Variants in KHDRBS2 observed in about 807,000 individuals in gnomAD.
KHDRBS2 encodes the protein KH RNA binding domain containing, signal transduction associated 2.
In KHDRBS2, 26 loss-of-function variants were observed where a neutral mutation model predicts 44.3. The ratio of observed to expected loss-of-function variants is 0.59; its 90% CI spans 0.43 to 0.81. KHDRBS2 has a LOEUF of 0.81. Ranked by LOEUF, KHDRBS2 falls within the 40% of genes least tolerant of loss-of-function variation. KHDRBS2 has a pLI of 0.00. For missense variants in KHDRBS2, 476 were observed against 433.1 expected, an observed-to-expected ratio of 1.10 and a Z score of -0.88; for synonymous variants, 194 against 151.1, an observed-to-expected ratio of 1.28 and a Z score of -2.08.
chr6:61,563,959 T>C, the KHDRBS2 span, among the ~76,000 whole-genome samples: 6 of 152,236 alleles, frequency 3.9e-5, no homozygotes, highest in African/African-American at 4.8e-5. Context: ...CTTATGACCT[T>C]GGACAGTTTA....
the KHDRBS2 span, among the ~76,000 whole-genome samples, chr6:61,654,229 T>G: frequency 1.3e-5 from 2 of 152,062 alleles, no homozygotes; most frequent in Non-Finnish European, 2.9e-5. Flanking sequence ...TCAGTGAATT[T>G]GAGGGATGTG....
At chr6:62,147,778 T>C (rs1021781926) in intron 2 of KHDRBS2, among the ~76,000 whole-genome samples, 11 of 151,998 alleles carry the variant, frequency 7.2e-5, no homozygotes, top group African/African-American at 2.4e-4. Flanking sequence ...GACAGCAGTA[T>C]CTTTTTCTCT....
intron 5 of KHDRBS2, among the ~76,000 whole-genome samples, chr6:61,896,715 T>G (rs1038488909): frequency 3.3e-5 from 5 of 152,182 alleles, no homozygotes; most frequent in Non-Finnish European, 5.9e-5. Flanking sequence ...TCTGTTTAAT[T>G]CTTTACTTCC....
chr6:61,954,911 T>C (rs1178245560), intron 4 of KHDRBS2, among the ~76,000 whole-genome samples: 3 of 108,454 alleles, frequency 2.8e-5, no homozygotes, highest in Non-Finnish European at 3.8e-5. Context: ...TATGTGTGCA[T>C]ACATATATAT....
chr6:61,936,501 A>G (rs982622697), intron 4 of KHDRBS2, among the ~76,000 whole-genome samples: 2 of 151,646 alleles, frequency 1.3e-5, no homozygotes, highest in African/African-American at 4.8e-5. Flanking sequence ...TATTCTCATT[A>G]TTCTTTTTAA....
At chr6:62,245,582 T>C (rs1341113520) in intron 1 of KHDRBS2, among the ~76,000 whole-genome samples, 1 of 152,092 alleles carries the variant, frequency 6.6e-6, no homozygotes, top group African/African-American at 2.4e-5. Context: ...CTTTAAAAGA[T>C]TCAATATATT....
At chr6:62,012,746 G>A (rs564990578) in intron 3 of KHDRBS2, among the ~76,000 whole-genome samples, 4 of 152,194 alleles carry the variant, frequency 2.6e-5, no homozygotes, top group South Asian at 4.2e-4. Flanking sequence ...ATCTCAGAGA[G>A]GTCTTTCTTG....
intron 3 of KHDRBS2, among the ~76,000 whole-genome samples, chr6:62,024,761 C>A (rs1053060651): frequency 3.9e-4 from 59 of 151,420 alleles, no homozygotes; most frequent in Non-Finnish European, 1.9e-4. Context: ...TTTATTTTTT[C>A]ATCATTCTAT....
intron 6 of KHDRBS2, among the ~76,000 whole-genome samples, chr6:61,766,141 G>A (rs1268866961): frequency 2.0e-5 from 3 of 151,474 alleles, no homozygotes; most frequent in Non-Finnish European, 4.4e-5. Context: ...TTTCATTATA[G>A]CTTCAATCTC....
chr6:61,790,793 A>G (rs1005382953), intron 6 of KHDRBS2, among the ~76,000 whole-genome samples: 4 of 151,576 alleles, frequency 2.6e-5, no homozygotes, highest in African/African-American at 9.7e-5. Context: ...TGAACCCTTG[A>G]ATGGTTTACC....
chr6:61,941,227 G>T (rs1401653363), intron 4 of KHDRBS2, among the ~76,000 whole-genome samples: 1 of 152,092 alleles, frequency 6.6e-6, no homozygotes, highest in Non-Finnish European at 1.5e-5. Context: ...ACCATAGCTG[G>T]CACCTACCTT....
chr6:61,606,291 C>T, the KHDRBS2 span, among the ~76,000 whole-genome samples: 1 of 152,178 alleles, frequency 6.6e-6, no homozygotes, highest in Non-Finnish European at 1.5e-5. Flanking sequence ...AATTCTTACC[C>T]TTCTGCTGAC....
chr6:61,558,014 G>A, the KHDRBS2 span, among the ~76,000 whole-genome samples: 1 of 151,824 alleles, frequency 6.6e-6, no homozygotes, highest in Admixed American at 6.6e-5. Context: ...ATATGTTTGG[G>A]TCTTTTCTCT....
intron 1 of KHDRBS2, among the ~76,000 whole-genome samples, chr6:62,209,491 G>A (rs1013768391): frequency 1.2e-4 from 18 of 152,248 alleles, no homozygotes; most frequent in Non-Finnish European, 2.4e-4. Context: ...ACACATACCC[G>A]TCACTACCAT....
chr6:61,566,119 T>C, the KHDRBS2 span, among the ~76,000 whole-genome samples: 6 of 152,038 alleles, frequency 3.9e-5, no homozygotes, highest in African/African-American at 1.4e-4. Context: ...GATGTTTCAT[T>C]GTAAAATAAG....
Position 61,785,589 on chromosome 6 carries a change from CT to C in KHDRBS2, c.811-52826del, listed in dbSNP as rs147642875. Reference sequence around the variant, plus strand: ...AGACATAAAAATTGTTAAAAAATAACTGTCTATGGGATTGGATAGTGAGAGG... The same window carrying C: ...AGACATAAAAATTGTTAAAAAATAACGTCTATGGGATTGGATAGTGAGAGG... On this transcript the variant is annotated intron_variant, in intron 6 of 8. Coordinates refer to ENST00000281156, the MANE Select transcript of KHDRBS2 (RefSeq NM_152688.4). Among the ~76,000 whole-genome samples the C allele has an allele frequency of 8.8e-3, 1,342 of 152,086 alleles. 12 individuals carry two copies. The highest frequency in any genetic ancestry group is 0.024 in the Middle Eastern group (7 of 294).
chr6:62,186,014 T>C (rs1210374709), intron 1 of KHDRBS2, among the ~76,000 whole-genome samples: 1 of 151,998 alleles, frequency 6.6e-6, no homozygotes, highest in Non-Finnish European at 1.5e-5. Context: ...TTCACCCTAA[T>C]GTGGGAATCA....
intron 2 of KHDRBS2, among the ~76,000 whole-genome samples, chr6:62,061,758 C>T (rs1026245774): frequency 2.7e-5 from 4 of 149,128 alleles, no homozygotes; most frequent in African/African-American, 9.9e-5. Flanking sequence ...GGATAATATC[C>T]TGCAGAGTGT....
intron 6 of KHDRBS2, among the ~76,000 whole-genome samples, chr6:61,848,870 T>G (rs1284591241): frequency 6.6e-6 from 1 of 151,894 alleles, no homozygotes; most frequent in African/African-American, 2.4e-5. Context: ...GCAGACAATT[T>G]TGAATAGTTA....
Sources: gnomAD v4.1 joint callset for allele counts (sites outside exome capture counted in the v4.1 genomes callset) on GRCh38, gnomAD v4.1.1 for gene constraint, MANE v1.5 for transcripts, NCBI Gene and HGNC (gene_info 2026-07-23, HGNC 2026-07-21) for gene names.